The following KSR1 variants were observed in gnomAD, a reference collection of about 807,000 sequenced individuals.
The protein encoded by KSR1 is kinase suppressor of ras.
In KSR1, 35 loss-of-function variants were observed where a neutral mutation model predicts 92.9. The observed-to-expected ratio is 0.38, with a 90% CI of 0.29 to 0.50. KSR1 has a LOEUF of 0.50. Among genes scored for constraint, KSR1 ranks in the 20% least tolerant of loss-of-function variants. The pLI is 0.94. For synonymous variants in KSR1, 467 were observed against 472.6 expected, an observed-to-expected ratio of 0.99 and a Z score of 0.15; for missense variants, 972 against 1,158.5, an observed-to-expected ratio of 0.84 and a Z score of 2.34.
chr17:27,489,243 C>G (rs1280456453), intron 1 of KSR1, among the ~76,000 whole-genome samples: 1 of 152,240 alleles, frequency 6.6e-6, no homozygotes, highest in Admixed American at 6.5e-5. Flanking sequence ...TGCCCACATG[C>G]AGGGTGTGGA....
chr17:27,456,938 A>G (rs994888685), intron 1 of KSR1, 64 bp downstream of exon 1: 2 of 738,902 alleles, frequency 2.7e-6, no homozygotes, highest in Non-Finnish European at 2.4e-6. Flanking sequence ...TCCGGGCCCC[A>G]GTACTCCTGG....
intron 1 of KSR1, among the ~76,000 whole-genome samples, chr17:27,513,110 G>A (rs1328966041): frequency 1.3e-5 from 2 of 152,130 alleles, no homozygotes; most frequent in Non-Finnish European, 2.9e-5. Flanking sequence ...TAATCATGCT[G>A]TATATATTCT....
chr17:27,585,039 C>T (rs1567855928), intron 4 of KSR1, among the ~76,000 whole-genome samples: 1 of 152,204 alleles, frequency 6.6e-6, no homozygotes, highest in African/African-American at 2.4e-5. Flanking sequence ...CGGATTCAAG[C>T]GATTCTCCTG....
Position 27,482,865 on chromosome 17 carries a change from TACTTA to T in KSR1, c.231+25997_231+26001del, listed in dbSNP as rs547650690. Among the ~76,000 whole-genome samples, 1,106 of 152,330 alleles carry T rather than the reference TACTTA, an allele frequency of 7.3e-3. 11 individuals carry two copies. The highest frequency in any genetic ancestry group is 0.026 in the African/African-American group (1,061 of 41,570). On this transcript the variant is annotated intron_variant, in intron 1 of 20. Coordinates refer to ENST00000644974, the MANE Select transcript of KSR1 (RefSeq NM_001394583.1). ...CCACCATCAGTGGATAGTGGCCTAATACTTAACTTATTTTCCTTTTTTCTTTCCCA... is the reference window on the plus strand; with the variant it reads ...CCACCATCAGTGGATAGTGGCCTAATACTTATTTTCCTTTTTTCTTTCCCA...
chr17:27,609,119 T>C, intron 15 of KSR1, 77 bp from the exon 16 acceptor site: 1 of 1,469,342 alleles, frequency 6.8e-7, no homozygotes, highest in Admixed American at 2.0e-5. Flanking sequence ...AATATGGGGA[T>C]TTAGGTAAAT....
In KSR1 at chr17:27,457,090, G is replaced by A. The variant is rs556860653; in HGVS notation, c.231+216G>A. Among the ~76,000 whole-genome samples the A allele has an allele frequency of 7.2e-5, 11 of 152,272 alleles. No homozygotes were observed. The East Asian group carries it at 1.7e-3, about 24-fold the overall frequency. On this transcript the variant is annotated intron_variant, in intron 1 of 20. Transcript: ENST00000644974. The stretch of plus-strand genomic sequence containing the variant: ...GGGGCGGGTGCGTCGTGGGAACTGG[G>A]ATGGAGGCTCGAGGGGCCCGTGCGG...
intron 12 of KSR1, 138 bp downstream of exon 12, chr17:27,604,026 T>C (rs2073662278): frequency 3.5e-6 from 3 of 846,804 alleles, no homozygotes; most frequent in Admixed American, 4.3e-5. Context: ...ATTCACCCTC[T>C]GGGCAAGTGA....
chr17:27,602,414 A>G (rs1203178073), intron 11 of KSR1, among the ~76,000 whole-genome samples: 1 of 152,238 alleles, frequency 6.6e-6, no homozygotes, highest in Non-Finnish European at 1.5e-5. Flanking sequence ...ACCCCAAAAC[A>G]TTGGGAAGAT....
chr17:27,617,768 T>C, intron 19 of KSR1: 1 of 292,534 alleles, frequency 3.4e-6, no homozygotes, highest in South Asian at 3.0e-5. Context: ...CCTCAAGTGA[T>C]CCTCCTGCCT....
intron 18 of KSR1, among the ~76,000 whole-genome samples, chr17:27,612,160 G>T (rs2073938455): frequency 6.6e-6 from 1 of 152,176 alleles, no homozygotes; most frequent in Admixed American, 6.5e-5. Flanking sequence ...CTCTGTGTTT[G>T]TAAGTTTTGT....
chr17:27,545,190 C>T (rs868789430), intron 1 of KSR1, among the ~76,000 whole-genome samples: 2 of 152,174 alleles, frequency 1.3e-5, no homozygotes, highest in African/African-American at 2.4e-5. Flanking sequence ...GGCTGTCTAG[C>T]GGGGATCTCT....
intron 1 of KSR1, among the ~76,000 whole-genome samples, chr17:27,485,145 A>G (rs1432441150): frequency 2.6e-5 from 4 of 152,170 alleles, no homozygotes; most frequent in African/African-American, 9.7e-5. Context: ...CTCTCGGGCC[A>G]TGGCTGTCTG....
At chr17:27,597,683 T>C (rs1441606814) in intron 10 of KSR1, among the ~76,000 whole-genome samples, 1 of 152,198 alleles carries the variant, frequency 6.6e-6, no homozygotes, top group Non-Finnish European at 1.5e-5. Context: ...AGTGGCAGAA[T>C]GGAGATCAAA....
In KSR1 at chr17:27,490,150, C is replaced by T. The variant is rs567310795; in HGVS notation, c.231+33276C>T. On this transcript the variant is annotated intron_variant, in intron 1 of 20. Transcript: ENST00000644974. ...TCCTGGTGGGACCTTACAGAAATAA[C>T]TTCTAAGTCTCCGTTTCTGCATTTG... Among the ~76,000 whole-genome samples the T allele has an allele frequency of 2.7e-4, 41 of 152,316 alleles. No individual in the cohort carries two copies. The South Asian group carries it at 6.4e-3, about 24-fold the overall frequency.
intron 1 of KSR1, among the ~76,000 whole-genome samples, chr17:27,504,387 C>T (rs906626076): frequency 2.6e-5 from 4 of 152,172 alleles, no homozygotes; most frequent in African/African-American, 9.7e-5. Context: ...CAGGCTGTGG[C>T]ACAGTCACGT....
At chr17:27,616,928 G>A (rs548449541) in intron 18 of KSR1, among the ~76,000 whole-genome samples, 20 of 152,276 alleles carry the variant, frequency 1.3e-4, no homozygotes, top group African/African-American at 4.6e-4. Context: ...CGCATATTCC[G>A]AGCATCTTGC....
intron 1 of KSR1, among the ~76,000 whole-genome samples, chr17:27,549,680 T>C (rs2071320895): frequency 1.3e-5 from 2 of 152,182 alleles, no homozygotes; most frequent in South Asian, 4.1e-4. Flanking sequence ...GAAAGCCTAC[T>C]GGGAATCCGA....
chr17:27,611,418 C>A, intron 17 of KSR1, 76 bp from the exon 18 acceptor site: 1 of 1,591,320 alleles, frequency 6.3e-7, no homozygotes, highest in Non-Finnish European at 8.6e-7. Flanking sequence ...TCTGGCTGGG[C>A]TATGGCTCAA....
intron 10 of KSR1, 136 bp downstream of exon 10, chr17:27,597,572 C>G (rs572530737): frequency 1.1e-6 from 1 of 900,410 alleles, no homozygotes; most frequent in East Asian, 2.7e-5. Flanking sequence ...TTGTCCGGCG[C>G]CCCAAGCACA....
Sources: gnomAD v4.1 joint callset for allele counts (sites outside exome capture counted in the v4.1 genomes callset) on GRCh38, gnomAD v4.1.1 for gene constraint, MANE v1.5 for transcripts, NCBI Gene and HGNC (gene_info 2026-07-23, HGNC 2026-07-21) for gene names.